KLF7: variants seen among roughly 807,000 people sequenced by gnomAD.
The protein encoded by KLF7 is Krueppel-like factor 7.
Under a neutral mutation model 27.3 loss-of-function variants are expected in KLF7, and 2 were observed. That is an observed-to-expected ratio of 0.07 (90% confidence interval 0.03 to 0.23). The LOEUF is 0.23. Among genes scored for constraint, KLF7 ranks in the 10% least tolerant of loss-of-function variants. The pLI, the probability that KLF7 is intolerant of heterozygous loss-of-function variation, is 1.00. For missense variants in KLF7, 221 were observed against 394.1 expected, an observed-to-expected ratio of 0.56 and a Z score of 3.72; for synonymous variants, 165 against 162.4, an observed-to-expected ratio of 1.02 and a Z score of -0.12.
intron 1 of KLF7, among the ~76,000 whole-genome samples, chr2:207,132,871 T>C (rs998164778): frequency 1.3e-5 from 2 of 152,224 alleles, no homozygotes; most frequent in Admixed American, 1.3e-4. Flanking sequence ...CAAAATTCAA[T>C]GCGACCATTA....
intron 1 of KLF7, among the ~76,000 whole-genome samples, chr2:207,133,169 G>A (rs1281676620): frequency 1.3e-5 from 2 of 152,098 alleles, no homozygotes; most frequent in African/African-American, 4.8e-5. Context: ...TCCCAACCAG[G>A]CCCCTATTCA....
upstream of KLF7, among the ~76,000 whole-genome samples, chr2:207,169,127 G>T (rs1417974826): frequency 6.6e-6 from 1 of 152,118 alleles, no homozygotes; most frequent in Non-Finnish European, 1.5e-5. Flanking sequence ...TAGAATACAG[G>T]TCTGCCTCCA....
At chr2:207,165,433 C>CA in intron 1 of KLF7, 34 bp downstream of exon 1, 8 of 1,613,642 alleles carry the variant, frequency 5.0e-6, no homozygotes, top group Non-Finnish European at 6.8e-6. Context: ...CCGCCGCCAC[C>CA]ACACGATTTA....
In KLF7 at chr2:207,145,932, T is replaced by C. The variant is rs145010794; in HGVS notation, c.102+19535A>G. Among the ~76,000 whole-genome samples the C allele has an allele frequency of 2.3e-3, 343 of 152,278 alleles. 3 individuals carry two copies. In the Middle Eastern group the frequency reaches 0.034, roughly 15 times the overall value. On this transcript the variant is annotated intron_variant, in intron 1 of 3. Transcript: ENST00000309446. ...GAACTAAAGAAAGAGAACCAAAAAA[T>C]CACCAAAGAGAAATAAATTATAGCG...
At chr2:207,172,375 C>G in the KLF7 span, among the ~76,000 whole-genome samples, 13 of 152,132 alleles carry the variant, frequency 8.5e-5, no homozygotes, top group Non-Finnish European at 1.6e-4. Context: ...ATCCTTTATC[C>G]CACCTAAGCA....
At chr2:207,138,512 C>A (rs1453054446) in intron 1 of KLF7, among the ~76,000 whole-genome samples, 1 of 152,146 alleles carries the variant, frequency 6.6e-6, no homozygotes, top group South Asian at 2.1e-4. Context: ...TTCATTGAAA[C>A]CACTGCATCT....
At chr2:207,094,176 A>G (rs1213836423) in intron 2 of KLF7, among the ~76,000 whole-genome samples, 4 of 152,218 alleles carry the variant, frequency 2.6e-5, no homozygotes, top group Admixed American at 6.5e-5. Flanking sequence ...AAATATGAAC[A>G]CGTGGCAGAA....
intron 2 of KLF7, among the ~76,000 whole-genome samples, chr2:207,115,861 GACCACAACAGTCTACAGTGTACCA>G (rs1231564708): frequency 1.3e-5 from 2 of 152,180 alleles, no homozygotes; most frequent in Admixed American, 1.3e-4. Flanking sequence ...ATAATCCACT[GACCACAACAGTCTACAGTGTACCA>G]ACCACAACAG....
rs150512327 is a variant in KLF7, at chr2:207,075,171, A to C, written c.*6042T>G. On this transcript the variant is annotated 3_prime_UTR_variant, in exon 4 of 4. Transcript: ENST00000309446. ...GCGTCACATAACATTTTTTGCATAG[A>C]TATCTTACAATATACCAATTTAAAA... The C allele has an allele frequency of 6.6e-6, 1 of 152,166 alleles. No individual in the cohort carries two copies. Among genetic ancestry groups the C allele is most frequent in the Non-Finnish European group, 1.5e-5 (1 of 68,030 alleles). 9.4% of individuals were successfully genotyped at this position (152,166 alleles called of 1,614,324 possible).
chr2:207,134,087 C>G lies in KLF7; in HGVS notation c.103-9683G>C, dbSNP rs569010233. 9.8e-6 allele frequency: 15 copies of G among 1,535,524 alleles called. No homozygotes were observed. In the South Asian group the frequency reaches 1.7e-4, roughly 17 times the overall value. On this transcript the variant is annotated intron_variant, in intron 1 of 3. Coordinates refer to ENST00000309446, the MANE Select transcript of KLF7 (RefSeq NM_003709.4). ...CTCACTGGCCAAGACGGGAACATGC[C>G]GAACCAGTTACATCATCTCCCCTTC...
At chr2:207,162,481 C>G (rs1054793320) in intron 1 of KLF7, among the ~76,000 whole-genome samples, 1 of 152,144 alleles carries the variant, frequency 6.6e-6, no homozygotes, top group Non-Finnish European at 1.5e-5. Context: ...GCAGTCAGAG[C>G]CCAGGAATGG....
chr2:207,143,666 G>A (rs1214574532), intron 1 of KLF7, among the ~76,000 whole-genome samples: 4 of 152,158 alleles, frequency 2.6e-5, no homozygotes, highest in African/African-American at 9.7e-5. Context: ...GGCATGTCAG[G>A]CAAATGGATT....
chr2:207,101,138 A>G (rs1048756297), intron 2 of KLF7, among the ~76,000 whole-genome samples: 16 of 152,270 alleles, frequency 1.1e-4, no homozygotes, highest in African/African-American at 3.6e-4. Flanking sequence ...TCAAATGCTT[A>G]GACTTCTGGT....
chr2:207,130,628 A>G (rs528425382), intron 1 of KLF7, among the ~76,000 whole-genome samples: 13 of 152,314 alleles, frequency 8.5e-5, no homozygotes, highest in African/African-American at 3.1e-4. Flanking sequence ...TATAACTACA[A>G]CCATGTTTAG....
At chr2:207,169,421 G>A (rs373637297), upstream of KLF7, among the ~76,000 whole-genome samples, 1 of 152,106 alleles carries the variant, frequency 6.6e-6, no homozygotes, top group East Asian at 1.9e-4. Flanking sequence ...AGTGTGATTA[G>A]TACTCCTCAA....
At chr2:207,168,212 TTG>T (rs2078757534), upstream of KLF7, among the ~76,000 whole-genome samples, 2 of 152,188 alleles carry the variant, frequency 1.3e-5, no homozygotes, top group Admixed American at 6.5e-5. Flanking sequence ...TGAACTTATT[TTG>T]TGTGTGTTAC....
intron 1 of KLF7, among the ~76,000 whole-genome samples, chr2:207,160,205 T>C (rs2078502611): frequency 6.6e-6 from 1 of 152,172 alleles, no homozygotes; most frequent in South Asian, 2.1e-4. Context: ...GATTCGGCAT[T>C]TTGGGGTTAA....
intron 1 of KLF7, among the ~76,000 whole-genome samples, chr2:207,136,046 AT>A (rs999989645): frequency 1.4e-4 from 22 of 152,026 alleles, no homozygotes; most frequent in African/African-American, 5.1e-4. Flanking sequence ...ACAAAACGCT[AT>A]TTTCAACTGT....
chr2:207,078,954 C>A lies in KLF7; in HGVS notation c.*2259G>T, dbSNP rs1200672748. 1 of 152,112 alleles carries A rather than the reference C, an allele frequency of 6.6e-6. No homozygotes were observed. Among genetic ancestry groups the A allele is most frequent in the Admixed American group, 6.5e-5 (1 of 15,268 alleles). The allele number at this position is 152,112 out of a possible 1,614,324, so 9.4% of individuals were successfully genotyped here. ...TTGGAATAAAACTGATTTTTAATACCCTCCAACTAACATACATACAATTGC... is the reference window on the plus strand; with the variant it reads ...TTGGAATAAAACTGATTTTTAATACACTCCAACTAACATACATACAATTGC... On this transcript the variant is annotated 3_prime_UTR_variant, in exon 4 of 4. Coordinates refer to ENST00000309446, the MANE Select transcript of KLF7 (RefSeq NM_003709.4).
Sources: gnomAD v4.1 joint callset for allele counts (sites outside exome capture counted in the v4.1 genomes callset) on GRCh38, gnomAD v4.1.1 for gene constraint, MANE v1.5 for transcripts, NCBI Gene and HGNC (gene_info 2026-07-23, HGNC 2026-07-21) for gene names.